The following EXPH5 variants were observed in gnomAD, a reference collection of about 807,000 sequenced individuals.
The protein encoded by EXPH5 is exophilin 5.
A neutral mutation model predicts 41.1 loss-of-function variants in EXPH5; 42 were observed. The ratio of observed to expected loss-of-function variants is 1.02; its 90% CI spans 0.80 to 1.32. The LOEUF is 1.32. EXPH5 is among the 40% of genes most tolerant of loss of function. EXPH5 has a pLI of 0.00. For synonymous variants in EXPH5, 798 were observed against 833.5 expected (o/e 0.96, Z 0.73); for missense variants, 2,298 against 2,314.5 (o/e 0.99, Z 0.15).
In EXPH5 at chr11:108,512,609, AG is replaced by A. The variant is rs1305450457; in HGVS notation, c.2897del (p.Pro966LeufsTer11). 1 of 1,613,218 alleles carries A rather than the reference AG, an allele frequency of 6.2e-7. No homozygotes were observed. The highest frequency in any genetic ancestry group is 8.5e-7 in the Non-Finnish European group (1 of 1,179,818). ...TTCCTTTTCCTCTTTCATTCCTAAA[AG>A]GAGAGTGTGAATGGCATTTGACATC... ...VVDVKCHSHS[P>X]FRNERGKGKI... On this transcript the variant is annotated frameshift_variant, in exon 6 of 6. Coordinates refer to ENST00000265843, the MANE Select transcript of EXPH5 (RefSeq NM_015065.3). LOFTEE classifies it low-confidence loss of function (END_TRUNC).
At chr11:108,544,878 A>G (rs1255340279) in intron 1 of EXPH5, among the ~76,000 whole-genome samples, 1 of 152,174 alleles carries the variant, frequency 6.6e-6, no homozygotes, top group Admixed American at 6.5e-5. Context: ...TAGAATAATT[A>G]TAGGTATCAT....
At chr11:108,541,193 C>A (rs990475996) in intron 2 of EXPH5, among the ~76,000 whole-genome samples, 11 of 152,144 alleles carry the variant, frequency 7.2e-5, no homozygotes, top group African/African-American at 2.7e-4. Context: ...GTGTGAGCCA[C>A]CCCCGACCCC....
chr11:108,575,198 G>A (rs978798123), intron 1 of EXPH5, among the ~76,000 whole-genome samples: 3 of 152,168 alleles, frequency 2.0e-5, no homozygotes, highest in African/African-American at 7.2e-5. Flanking sequence ...ATTAAATGAA[G>A]CATAATTTTT....
At chr11:108,581,372 T>C (rs1348045182) in intron 1 of EXPH5, among the ~76,000 whole-genome samples, 2 of 151,954 alleles carry the variant, frequency 1.3e-5, no homozygotes, top group Non-Finnish European at 2.9e-5. Flanking sequence ...AGAGAGGATA[T>C]GGAATGCCCC....
chr11:108,510,727 T>C lies in EXPH5; in HGVS notation c.4780A>G (p.Arg1594Gly), dbSNP rs1248184414. 2 of 1,614,098 alleles carry C rather than the reference T, an allele frequency of 1.2e-6. No individual in the cohort carries two copies. The change falls in exon 6 of 6, where the codon AGA becomes GGA. Residue 1594 changes from arginine (R) to glycine (G), a missense_variant. Transcript: ENST00000265843. ...CTGGCTTTAGACATGGCTGCCAATC[T>C]GTGTTTAACTGAAGATCTATTTTCC... is the stretch of plus-strand genomic sequence containing the variant. ...KGENRSSVKH[R>G]LAAMSKASRK... is the part of the protein sequence containing the mutation.
At chr11:108,580,203 A>T (rs993091295) in intron 1 of EXPH5, among the ~76,000 whole-genome samples, 4 of 152,236 alleles carry the variant, frequency 2.6e-5, no homozygotes, top group Non-Finnish European at 5.9e-5. Flanking sequence ...ACACCTCAAC[A>T]GCAAAAAAGC....
chr11:108,601,430 TG>T, the EXPH5 span, among the ~76,000 whole-genome samples: 16 of 152,256 alleles, frequency 1.1e-4, no homozygotes, highest in Admixed American at 2.0e-4. Flanking sequence ...GACTAAGAAA[TG>T]GTCACATAAA....
intron 1 of EXPH5, among the ~76,000 whole-genome samples, chr11:108,584,230 C>T (rs2094106997): frequency 6.6e-6 from 1 of 152,074 alleles, no homozygotes; most frequent in Non-Finnish European, 1.5e-5. Context: ...AATCCCAGCA[C>T]TTTGGGAGGC....
chr11:108,528,836 G>A (rs1194791529), intron 3 of EXPH5, among the ~76,000 whole-genome samples: 5 of 151,394 alleles, frequency 3.3e-5, no homozygotes, highest in African/African-American at 4.9e-5. Context: ...CCGAATGGCT[G>A]GGATTACAGG....
chr11:108,587,285 C>T lies in EXPH5; in HGVS notation c.119+6133G>A, dbSNP rs184493466. On this transcript the variant is annotated intron_variant, in intron 1 of 5. Coordinates refer to ENST00000265843, the MANE Select transcript of EXPH5 (RefSeq NM_015065.3). ...AAACTTAACCTGACCTCCTTTTGAC[C>T]TTCATGTGGTTCTCAGGTTTAAGAC... Among the ~76,000 whole-genome samples the T allele has an allele frequency of 3.3e-5, 5 of 152,306 alleles. No individual in the cohort carries two copies. In the East Asian group the frequency reaches 9.6e-4, roughly 29 times the overall value.
intron 1 of EXPH5, among the ~76,000 whole-genome samples, chr11:108,562,711 C>T (rs1311840990): frequency 1.3e-5 from 2 of 152,036 alleles, no homozygotes; most frequent in Admixed American, 1.3e-4. Context: ...ACCTGTAATC[C>T]CAACACTTTG....
upstream of EXPH5, among the ~76,000 whole-genome samples, chr11:108,594,773 A>C (rs993891345): frequency 2.6e-5 from 4 of 152,232 alleles, no homozygotes; most frequent in Non-Finnish European, 4.4e-5. Flanking sequence ...TTTTCATGGC[A>C]CATAAACCCA....
chr11:108,597,840 C>A (rs545609963), upstream of EXPH5, among the ~76,000 whole-genome samples: 72 of 152,108 alleles, frequency 4.7e-4, no homozygotes, highest in South Asian at 6.4e-3. Context: ...TTAAAAAAAA[C>A]CACAAAAACT....
rs2093663169 is a variant in EXPH5 at position 108,509,649 on chromosome 11, C to G, written c.5858G>C (p.Ser1953Thr). ...SQVPEDGLSP[S>T]EPLNIYEDDP... ...ATCCTCATAGATATTAAGCGGTTCACTTGGAGATAAGCCATCTTCTGGCAC... is the reference window on the plus strand; with the variant it reads ...ATCCTCATAGATATTAAGCGGTTCAGTTGGAGATAAGCCATCTTCTGGCAC... The change falls in exon 6 of 6, where the codon AGT (serine) becomes ACT (threonine). Residue 1953 changes from serine to threonine, a missense_variant. Coordinates refer to ENST00000265843, the MANE Select transcript of EXPH5 (RefSeq NM_015065.3). The G allele has an allele frequency of 6.2e-7, 1 of 1,613,854 alleles. No individual in the cohort carries two copies. Among genetic ancestry groups the G allele is most frequent in the Admixed American group, 1.7e-5 (1 of 59,966 alleles).
chr11:108,536,203 C>T lies in EXPH5; in HGVS notation c.443+2821G>A, dbSNP rs1367630592. 4.0e-5 allele frequency among the ~76,000 whole-genome samples: 6 copies of T among 151,690 alleles called. 1 individual carries two copies. The Middle Eastern group carries it at 0.011, about 269-fold the overall frequency. ...TTTACAAATAGGATTAAAATCATAA[C>T]GGGACAGTTTGGGAAGTGTATATGT... On this transcript the variant is annotated intron_variant, in intron 3 of 5. Transcript: ENST00000265843.
upstream of EXPH5, among the ~76,000 whole-genome samples, chr11:108,597,179 A>T (rs1019228047): frequency 6.6e-6 from 1 of 151,710 alleles, no homozygotes; most frequent in Non-Finnish European, 1.5e-5. Context: ...CACTTGCTTG[A>T]ATGTCTGATT....
chr11:108,583,958 A>AT lies in EXPH5; in HGVS notation c.119+9459dup, dbSNP rs569420526. ...CTCAAAAAAGAACATCCTAGAGCCA[A>AT]TAAGTAAGTTTAGCTAAGTGGTAGG... On this transcript the variant is annotated intron_variant, in intron 1 of 5. Coordinates refer to ENST00000265843, the MANE Select transcript of EXPH5 (RefSeq NM_015065.3). Among the ~76,000 whole-genome samples the AT allele has an allele frequency of 4.7e-4, 71 of 152,362 alleles. No individual in the cohort carries two copies. In the East Asian group the frequency reaches 0.013, roughly 27 times the overall value.
Position 108,510,256 on chromosome 11 carries a change from T to C in EXPH5, c.5251A>G (p.Arg1751Gly), listed in dbSNP as rs753994560. The C allele has an allele frequency of 6.2e-7, 1 of 1,613,940 alleles. No homozygotes were observed. Among genetic ancestry groups the C allele is most frequent in the East Asian group, 2.2e-5 (1 of 44,876 alleles). ...TCCAGTGGAAAAGGAGGGCTCAGCC[T>C]CCTCTGATTGTCAGAGAATTCTGCT... ...REAEFSDNQR[R>G]LSPPFPLEPA... The change falls in exon 6 of 6, where the codon AGG (arginine) becomes GGG (glycine). Residue 1751 changes from arginine (R) to glycine (G), a missense_variant. Transcript: ENST00000265843.
chr11:108,593,339 G>T, intron 1 of EXPH5, 79 bp downstream of exon 1: 3 of 1,309,104 alleles, frequency 2.3e-6, no homozygotes, highest in Admixed American at 1.9e-5. Flanking sequence ...TGCCCCGCGC[G>T]AGCTCAGCGC....
Sources: gnomAD v4.1 joint callset for allele counts (sites outside exome capture counted in the v4.1 genomes callset) on GRCh38, gnomAD v4.1.1 for gene constraint, MANE v1.5 for transcripts, NCBI Gene and HGNC (gene_info 2026-07-23, HGNC 2026-07-21) for gene names.